The following CHD7 variants were observed in gnomAD, a reference collection of about 807,000 sequenced individuals.
CHD7 encodes the protein ATP-dependent chromatin remodeler CHD7.
A neutral mutation model predicts 307.3 loss-of-function variants in CHD7; 24 were observed. The observed-to-expected ratio is 0.08, with a 90% CI of 0.06 to 0.11. CHD7 has a LOEUF of 0.11. CHD7 is among the 10% of genes least tolerant of loss of function. The pLI is 1.00. For synonymous variants in CHD7, 1,363 were observed against 1,349.9 expected (o/e 1.01, Z -0.21); for missense variants, 3,106 against 3,727.1 (o/e 0.83, Z 4.34).
chr8:60,736,780 T>A (rs1034084449), intron 1 of CHD7, among the ~76,000 whole-genome samples: 67 of 152,330 alleles, frequency 4.4e-4, no homozygotes, highest in African/African-American at 1.5e-3. Context: ...ACAAATAGTG[T>A]TTGAGCTATA....
Position 60,865,175 on chromosome 8 carries a change from G to A in CHD7, c.8236G>A (p.Val2746Met), listed in dbSNP as rs762924490. The change falls in exon 38 of 38, where the codon GTG becomes ATG. Residue 2746 changes from valine (V) to methionine (M), a missense_variant. This residue lies in a region of CHD7 where 351 missense variants were observed against 366.2 expected (regional missense o/e 0.96). Coordinates refer to ENST00000423902, the MANE Select transcript of CHD7 (RefSeq NM_017780.4). The surrounding 1 kb of genome is among the most constrained non-coding windows in gnomAD (Gnocchi z 4.3). The stretch of plus-strand genomic sequence containing the variant: ...CACGTCAGGGATCAACCCTTTGCTG[G>A]TGAACAGCCTGTTTGCTGGAATGGA... ...ASTSGINPLLVNSLFAGMDLT... is the reference protein window; with the variant it reads ...ASTSGINPLLMNSLFAGMDLT... 1.1e-5 allele frequency: 18 copies of A among 1,612,128 alleles called. No homozygotes were observed. The highest frequency in any genetic ancestry group is 3.3e-4 in the Middle Eastern group (2 of 6,082).
chr8:60,852,386 C>G, intron 29 of CHD7, 112 bp from the exon 30 acceptor site: 1 of 1,297,764 alleles, frequency 7.7e-7, no homozygotes, highest in Non-Finnish European at 1.1e-6. Flanking sequence ...AGTCTGTTTC[C>G]CCACCCCCAA....
intron 4 of CHD7, among the ~76,000 whole-genome samples, chr8:60,800,074 A>G (rs1427678653): frequency 6.6e-6 from 1 of 151,644 alleles, no homozygotes; most frequent in Non-Finnish European, 1.5e-5. Flanking sequence ...TCTGTCGTCC[A>G]GACTGCAGTG....
rs139876661 is a variant in CHD7, at chr8:60,856,123, G to A, written c.7085G>A (p.Ser2362Asn). The A allele has an allele frequency of 7.1e-5, 115 of 1,610,066 alleles. No homozygotes were observed. The African/African-American group carries it at 9.2e-4, about 13-fold the overall frequency. The change falls in exon 33 of 38, where the codon AGC becomes AAC. Residue 2362 changes from serine (S) to asparagine (N), a missense_variant. Ser to Asn is a conservative substitution (Grantham distance 46, BLOSUM62 1). Coordinates refer to ENST00000423902, the MANE Select transcript of CHD7 (RefSeq NM_017780.4). ...TTVDSPLQKRSFAELSMVGQA... is the reference protein window; with the variant it reads ...TTVDSPLQKRNFAELSMVGQA... ...GTGGACAGCCCCTTGCAGAAGAGGA[G>A]CTTTGCTGAGCTCTCCATGGTCGGC...
Position 60,787,835 on chromosome 8 carries a change from T to C in CHD7, c.2096+6405T>C, listed in dbSNP as rs1250660539. On this transcript the variant is annotated intron_variant, in intron 3 of 37. Transcript: ENST00000423902. ...TAACTTGTAGATTTTCTTTCTTTTT[T>C]TTTTTTTTTTTTTGAAACAGACTCG... Among the ~76,000 whole-genome samples the C allele has an allele frequency of 2.7e-5, 4 of 149,156 alleles. No individual in the cohort carries two copies. In the East Asian group the frequency reaches 5.9e-4, roughly 22 times the overall value.
At chr8:60,855,637 G>A (rs1805665728) in intron 32 of CHD7, among the ~76,000 whole-genome samples, 1 of 152,242 alleles carries the variant, frequency 6.6e-6, no homozygotes, top group East Asian at 1.9e-4. Context: ...AGAGCTCTAT[G>A]GAGCTTGTAC....
At chr8:60,779,573 G>T (rs1811105908) in intron 2 of CHD7, among the ~76,000 whole-genome samples, 1 of 152,192 alleles carries the variant, frequency 6.6e-6, no homozygotes, top group Non-Finnish European at 1.5e-5. Flanking sequence ...CTAGCTTGGT[G>T]CATGGCATCA....
intron 2 of CHD7, among the ~76,000 whole-genome samples, chr8:60,749,370 C>CAAAAAAAAAAAAAAAAAAAAAAAAA (rs55661758): frequency 1.8e-5 from 1 of 56,286 alleles, no homozygotes; most frequent in African/African-American, 7.9e-5. Flanking sequence ...GACTCTGTAT[C>CAAAAAAAAAAAAAAAAAAAAAAAAA]AAAAAAAAAA....
At position 60,781,311 on chromosome 8, in the gene CHD7, C is replaced by T. The variant is rs886063034; in HGVS notation, c.1977C>T (p.Pro659=). The T allele has an allele frequency of 2.6e-5, 41 of 1,568,504 alleles. No individual in the cohort carries two copies. Among genetic ancestry groups the T allele is most frequent in the Non-Finnish European group, 3.5e-5 (41 of 1,157,940 alleles). The change falls in exon 3 of 38, where the codon CCC becomes CCT. Residue 659 remains proline, a synonymous_variant. Coordinates refer to ENST00000423902, the MANE Select transcript of CHD7 (RefSeq NM_017780.4). ...AKKDPKEPKE[P]KEKKEPKEPK... ...AAGACCCGAAGGAACCGAAAGAACCCAAGGAGAAAAAAGAGCCCAAGGAAC... is the reference window on the plus strand; with the variant it reads ...AAGACCCGAAGGAACCGAAAGAACCTAAGGAGAAAAAAGAGCCCAAGGAAC...
At chr8:60,810,195 C>G (rs1289330245) in intron 7 of CHD7, among the ~76,000 whole-genome samples, 4 of 152,194 alleles carry the variant, frequency 2.6e-5, no homozygotes, top group Admixed American at 1.3e-4. Context: ...AGAGGATGTT[C>G]CAGGCTCATC....
chr8:60,824,237 A>G, intron 13 of CHD7: 1 of 473,398 alleles, frequency 2.1e-6, no homozygotes, highest in Non-Finnish European at 3.7e-6. Flanking sequence ...GCAGAGTGTA[A>G]TCATGATAGT....
In CHD7 at chr8:60,804,862, CTTAATATGT is replaced by C. The variant is rs569850018; in HGVS notation, c.2442+3272_2442+3280del. ...TGTTTGAACAGTGGGACAAGTATGGCTTAATATGTTTGAAACTTTAAGTGTCATATGAAT... is the reference window on the plus strand; with the variant it reads ...TGTTTGAACAGTGGGACAAGTATGGCTTGAAACTTTAAGTGTCATATGAAT... On this transcript the variant is annotated intron_variant, in intron 6 of 37. Transcript: ENST00000423902. Among the ~76,000 whole-genome samples, 210 of 152,226 alleles carry C rather than the reference CTTAATATGT, an allele frequency of 1.4e-3. 2 individuals are homozygous for C. The highest frequency in any genetic ancestry group is 4.6e-3 in the African/African-American group (192 of 41,526).
intron 5 of CHD7, 141 bp downstream of exon 5, chr8:60,800,666 G>T: frequency 1.2e-6 from 1 of 805,800 alleles, no homozygotes; most frequent in Non-Finnish European, 1.9e-6. Flanking sequence ...TGTGCTATGG[G>T]AAATTCGTTG....
In CHD7 at chr8:60,865,252, C is replaced by T; in HGVS notation, c.8313C>T (p.Gly2771=). Residue 2771 remains glycine (G), a synonymous_variant, in exon 38 of 38, where the codon GGC becomes GGT. Coordinates refer to ENST00000423902, the MANE Select transcript of CHD7 (RefSeq NM_017780.4). The surrounding 1 kb of genome is among the most constrained non-coding windows in gnomAD (Gnocchi z 4.3). ...ATCTCCAGTCGCTCCAGCTGGCAGG[C>T]CTCATGGGCTTCCCTCCAGGACTGG... The part of the protein sequence containing the change: ...LQNLQSLQLA[G]LMGFPPGLAT... 1 of 1,607,218 alleles carries T rather than the reference C, an allele frequency of 6.2e-7. No homozygotes were observed.
intron 2 of CHD7, among the ~76,000 whole-genome samples, chr8:60,758,395 A>C (rs1277509047): frequency 6.6e-6 from 1 of 152,128 alleles, no homozygotes; most frequent in African/African-American, 2.4e-5. Context: ...GAGTGCTGGG[A>C]TTACAGGGAT....
chr8:60,721,321 C>T (rs1807893454), intron 1 of CHD7, among the ~76,000 whole-genome samples: 1 of 152,100 alleles, frequency 6.6e-6, no homozygotes, highest in Admixed American at 6.5e-5. Context: ...TCCCAGTTGA[C>T]AAAAAAGAGG....
At chr8:60,798,844 A>G (rs1351589976) in intron 4 of CHD7, among the ~76,000 whole-genome samples, 2 of 152,366 alleles carry the variant, frequency 1.3e-5, no homozygotes, top group East Asian at 1.9e-4. Context: ...ACATACATAT[A>G]TGAATAAAAA....
intron 14 of CHD7, among the ~76,000 whole-genome samples, chr8:60,830,007 C>A (rs1017257873): frequency 6.6e-6 from 1 of 152,180 alleles, no homozygotes; most frequent in South Asian, 2.1e-4. Flanking sequence ...TCTTCTCTAT[C>A]TTCCCTATGG....
chr8:60,780,903 TA>T (rs1554588594), intron 2 of CHD7, 96 bp from the exon 3 acceptor site: 2 of 430,434 alleles, frequency 4.6e-6, no homozygotes, highest in Non-Finnish European at 3.2e-6. Flanking sequence ...TACCTGAGTA[TA>T]GAATAAGTTT....
Sources: allele counts gnomAD v4.1 joint callset (sites outside exome capture counted in the v4.1 genomes callset), GRCh38; gene constraint gnomAD v4.1.1; regional missense constraint gnomAD v4.1.1; non-coding constraint Gnocchi (gnomAD v3.1); transcripts MANE v1.5; gene names NCBI Gene and HGNC (gene_info 2026-07-23, HGNC 2026-07-21).